The following AP1S3 variants were observed in gnomAD, a reference collection of about 807,000 sequenced individuals.
AP1S3 encodes the protein AP-1 complex subunit sigma-3.
A neutral mutation model predicts 20.9 loss-of-function variants in AP1S3; 10 were observed. That is an observed-to-expected ratio of 0.48 (90% CI 0.29 to 0.81). The LOEUF is 0.81. AP1S3 is among the 30% of genes least tolerant of loss of function. The pLI, the probability that AP1S3 is intolerant of heterozygous loss-of-function variation, is 0.08. For synonymous variants in AP1S3, 41 were observed against 61.5 expected (o/e 0.67, Z 1.56); for missense variants, 154 against 183.8 (o/e 0.84, Z 0.94).
At chr2:223,826,964 G>A (rs911771307) in intron 1 of AP1S3, among the ~76,000 whole-genome samples, 4 of 151,938 alleles carry the variant, frequency 2.6e-5, no homozygotes, top group Non-Finnish European at 5.9e-5. Context: ...TCTATCCCCA[G>A]GGCCTTTTAT....
At chr2:223,779,862 G>C (rs1376079419) in intron 1 of AP1S3, among the ~76,000 whole-genome samples, 1 of 152,034 alleles carries the variant, frequency 6.6e-6, no homozygotes, top group Non-Finnish European at 1.5e-5. Context: ...AGCTACTCAG[G>C]AGGCTGAGGC....
intron 1 of AP1S3, among the ~76,000 whole-genome samples, chr2:223,800,895 A>G (rs892067247): frequency 1.3e-5 from 2 of 152,156 alleles, no homozygotes; most frequent in Non-Finnish European, 2.9e-5. Flanking sequence ...AACTGAAGAA[A>G]TCAAGGCCCA....
At chr2:223,808,384 G>A (rs900093437) in intron 1 of AP1S3, among the ~76,000 whole-genome samples, 1 of 152,150 alleles carries the variant, frequency 6.6e-6, no homozygotes. Flanking sequence ...AGAACTCTAG[G>A]CTAAGTAATG....
intron 1 of AP1S3, among the ~76,000 whole-genome samples, chr2:223,830,903 G>A (rs2106041530): frequency 6.6e-6 from 1 of 152,312 alleles, no homozygotes. Context: ...TGTTGGCAGA[G>A]GCCAGTTTCC....
intron 1 of AP1S3, among the ~76,000 whole-genome samples, chr2:223,809,548 G>T (rs1691669137): frequency 6.6e-6 from 1 of 151,798 alleles, no homozygotes; most frequent in Admixed American, 6.6e-5. Flanking sequence ...GGGAGGCTGA[G>T]GCAGAGAATT....
chr2:223,799,201 G>A lies in AP1S3; in HGVS notation c.4-21332C>T, dbSNP rs575533271. Among the ~76,000 whole-genome samples the A allele has an allele frequency of 9.8e-4, 129 of 131,860 alleles. 3 individuals are homozygous for A. In the East Asian group the frequency reaches 0.025, roughly 25 times the overall value. The allele number at this position is 131,860 out of a possible 152,430, so 86.5% of individuals were successfully genotyped here. A position where few individuals can be genotyped will look rare whatever the true frequency, so the allele number is the denominator to read the frequency against. On this transcript the variant is annotated intron_variant, in intron 1 of 4. Coordinates refer to ENST00000396654, the MANE Select transcript of AP1S3 (RefSeq NM_001039569.2). ...GTGGACTCATATAAAAGGGAAATTC[G>A]GGCCTAGACACACACACACACACAC...
intron 1 of AP1S3, among the ~76,000 whole-genome samples, chr2:223,789,548 A>G (rs890580740): frequency 2.0e-5 from 3 of 151,912 alleles, no homozygotes; most frequent in Non-Finnish European, 4.4e-5. Context: ...ATATAAAACT[A>G]TAGAGGGAGT....
At chr2:223,811,927 C>T (rs904069396) in intron 1 of AP1S3, among the ~76,000 whole-genome samples, 5 of 152,280 alleles carry the variant, frequency 3.3e-5, no homozygotes, top group African/African-American at 1.2e-4. Context: ...AGAATCAGTT[C>T]TACATGTTTA....
chr2:223,808,605 G>A (rs1372720476), intron 1 of AP1S3, among the ~76,000 whole-genome samples: 1 of 152,164 alleles, frequency 6.6e-6, no homozygotes, highest in Non-Finnish European at 1.5e-5. Flanking sequence ...GTAGCATATT[G>A]ACTAGAACAC....
intron 1 of AP1S3, among the ~76,000 whole-genome samples, chr2:223,805,872 T>A (rs1691567573): frequency 6.6e-6 from 1 of 152,216 alleles, no homozygotes; most frequent in Non-Finnish European, 1.5e-5. Context: ...TTTGAATATG[T>A]TCTGTGCCTT....
At chr2:223,824,760 C>T (rs1190450145) in intron 1 of AP1S3, among the ~76,000 whole-genome samples, 1 of 151,984 alleles carries the variant, frequency 6.6e-6, no homozygotes, top group Non-Finnish European at 1.5e-5. Flanking sequence ...GGTCTCAACT[C>T]CTGACATCAA....
rs1165769414 is a variant in AP1S3 at position 223,818,680 on chromosome 2, C to T, written c.3+18768G>A. ...CTATTCTCCTGCCTCAGCCTCCTGA[C>T]TAGCTGGGATTACAGGCATGCGCCA... On this transcript the variant is annotated intron_variant, in intron 1 of 4. Transcript: ENST00000396654. Among the ~76,000 whole-genome samples the T allele has an allele frequency of 2.0e-5, 3 of 152,016 alleles. No individual in the cohort carries two copies. The East Asian group carries it at 5.9e-4, about 30-fold the overall frequency.
intron 1 of AP1S3, among the ~76,000 whole-genome samples, chr2:223,820,987 C>T (rs913162147): frequency 2.6e-5 from 4 of 152,200 alleles, no homozygotes; most frequent in African/African-American, 9.6e-5. Flanking sequence ...CCTCTCAAAA[C>T]ACATACTTCC....
chr2:223,789,414 G>C (rs1691157650), intron 1 of AP1S3, among the ~76,000 whole-genome samples: 1 of 152,162 alleles, frequency 6.6e-6, no homozygotes, highest in Non-Finnish European at 1.5e-5. Flanking sequence ...TGGAATGCTT[G>C]TAGTCCCAGC....
At chr2:223,788,177 C>T (rs1691120046) in intron 1 of AP1S3, among the ~76,000 whole-genome samples, 1 of 151,764 alleles carries the variant, frequency 6.6e-6, no homozygotes, top group South Asian at 2.1e-4. Flanking sequence ...AAACTCCTGA[C>T]CTCAAGTGAT....
rs112381846 is a variant in AP1S3 at position 223,756,206 on chromosome 2, G to A, written c.*2509C>T. ...TACAAAATTAGCCAGGCGTGGTGGCGCATGCCTATAATCCCAGCTACTCGG... is the reference window on the plus strand; with the variant it reads ...TACAAAATTAGCCAGGCGTGGTGGCACATGCCTATAATCCCAGCTACTCGG... On this transcript the variant is annotated 3_prime_UTR_variant, in exon 5 of 5. Coordinates refer to ENST00000396654, the MANE Select transcript of AP1S3 (RefSeq NM_001039569.2). The A allele has an allele frequency of 4.6e-3, 1,131 of 245,734 alleles. 18 individuals are homozygous for A. The highest frequency in any genetic ancestry group is 0.024 in the African/African-American group (1,022 of 43,140). The allele number at this position is 245,734 out of a possible 1,614,324, so 15.2% of individuals were successfully genotyped here.
At chr2:223,761,337 G>A (rs765536053) in intron 4 of AP1S3, among the ~76,000 whole-genome samples, 6 of 152,104 alleles carry the variant, frequency 3.9e-5, no homozygotes, top group Non-Finnish European at 8.8e-5. Flanking sequence ...CGCTTTTAAG[G>A]GTGACAGTGT....
intron 1 of AP1S3, among the ~76,000 whole-genome samples, chr2:223,819,904 T>C (rs16865233): frequency 6.8e-6 from 1 of 147,500 alleles, no homozygotes; most frequent in Non-Finnish European, 1.5e-5. Flanking sequence ...GAGTTCAGGA[T>C]AAATGGGATT....
At chr2:223,818,052 GACTTTCCCAGA>G (rs1030531865) in intron 1 of AP1S3, among the ~76,000 whole-genome samples, 1 of 151,984 alleles carries the variant, frequency 6.6e-6, no homozygotes, top group Admixed American at 6.5e-5. Flanking sequence ...GCAGTTGAAA[GACTTTCCCAGA>G]ATTATCAAAA....
Sources: allele counts gnomAD v4.1 joint callset (sites outside exome capture counted in the v4.1 genomes callset), GRCh38; gene constraint gnomAD v4.1.1; transcripts MANE v1.5; gene names NCBI Gene and HGNC (gene_info 2026-07-23, HGNC 2026-07-21).